GSDME: variants seen among roughly 807,000 people sequenced by gnomAD.
The protein encoded by GSDME is gasdermin-E.
Under a neutral mutation model 47.5 loss-of-function variants are expected in GSDME, and 44 were observed. That is an observed-to-expected ratio of 0.93 (90% CI 0.73 to 1.19). The LOEUF is 1.19. Among genes scored for constraint, GSDME ranks in the 50% most tolerant of loss-of-function variants. GSDME has a pLI of 0.00. For synonymous variants in GSDME, 258 were observed against 252.8 expected (o/e 1.02, Z -0.20); for missense variants, 663 against 604.2 (o/e 1.10, Z -1.02).
At chr7:24,772,175 G>C in the GSDME span, among the ~76,000 whole-genome samples, 1 of 152,136 alleles carries the variant, frequency 6.6e-6, no homozygotes, top group African/African-American at 2.4e-5. This position sits in a 1 kb window ranked among gnomAD's most constrained non-coding sequence, Gnocchi z 4.5. Flanking sequence ...GTGCCTTGCT[G>C]GCCCATCCTC....
At chr7:24,764,160 T>G in the GSDME span, among the ~76,000 whole-genome samples, 3 of 152,154 alleles carry the variant, frequency 2.0e-5, no homozygotes, top group African/African-American at 7.2e-5. This position sits in a 1 kb window ranked among gnomAD's most constrained non-coding sequence, Gnocchi z 4.4. Flanking sequence ...GTAAGGTCCT[T>G]AAAAAGACTA....
Position 24,724,585 on chromosome 7 carries a change from G to C in GSDME, c.405-5367C>G, listed in dbSNP as rs568079113. The C allele has an allele frequency of 6.6e-6, 1 of 152,526 alleles. No individual in the cohort carries two copies. Among genetic ancestry groups the C allele is most frequent in the African/African-American group, 2.4e-5 (1 of 41,564 alleles). The allele number at this position is 152,526 out of a possible 1,614,324, so 9.4% of individuals were successfully genotyped here. On this transcript the variant is annotated intron_variant, in intron 3 of 9. Transcript: ENST00000645220. This position sits in a 1 kb window ranked among gnomAD's most constrained non-coding sequence, Gnocchi z 4.8. ...GGAGCAAGTCTGGAGGCAGGGGAAG[G>C]GGGTGCATACTCAGTCGAGAAGAAC... is the stretch of plus-strand genomic sequence containing the variant.
At chr7:24,755,889 G>T (rs1791000592) in intron 1 of GSDME, among the ~76,000 whole-genome samples, 1 of 152,186 alleles carries the variant, frequency 6.6e-6, no homozygotes, top group Admixed American at 6.5e-5. Context: ...ACGAAACATG[G>T]CTGTACTTGT....
At position 24,744,461 on chromosome 7, in the gene GSDME, C is replaced by T. The variant is rs930806007; in HGVS notation, c.404+101G>A. The T allele has an allele frequency of 1.8e-5, 22 of 1,249,532 alleles. 1 individual carries two copies. Among genetic ancestry groups the T allele is most frequent in the Middle Eastern group, 1.9e-4 (1 of 5,194 alleles). The allele number at this position is 1,249,532 out of a possible 1,614,324, so 77.4% of individuals were successfully genotyped here. On this transcript the variant is annotated intron_variant, in intron 3 of 9. Coordinates refer to ENST00000645220, the MANE Select transcript of GSDME (RefSeq NM_001127453.2). This position sits in a 1 kb window ranked among gnomAD's most constrained non-coding sequence, Gnocchi z 4.5. ...GCGCATTCAATACATGTTTATTGATCGGCAGAGATCAAATCTGTCGCCCTT... is the reference window on the plus strand; with the variant it reads ...GCGCATTCAATACATGTTTATTGATTGGCAGAGATCAAATCTGTCGCCCTT...
rs1195196224 is a variant in GSDME at position 24,724,226 on chromosome 7, T to TTA, written c.405-5009_405-5008insTA. Among the ~76,000 whole-genome samples the TTA allele has an allele frequency of 2.0e-5, 3 of 151,316 alleles. No individual in the cohort carries two copies. Among genetic ancestry groups the TTA allele is most frequent in the African/African-American group, 7.3e-5 (3 of 41,164 alleles). ...AAGGCCTTCTGGACAGACTGTAAGC[T>TTA]CCTGGAGGACAAAGTACTTGCTCTT... On this transcript the variant is annotated intron_variant, in intron 3 of 9. Coordinates refer to ENST00000645220, the MANE Select transcript of GSDME (RefSeq NM_001127453.2). The surrounding 1 kb of genome is among the most constrained non-coding windows in gnomAD (Gnocchi z 4.8).
rs921232018 is a variant in GSDME, at chr7:24,714,924, G to A, written c.697+2330C>T. Among the ~76,000 whole-genome samples, 7 of 152,190 alleles carry A rather than the reference G, an allele frequency of 4.6e-5. No individual in the cohort carries two copies. The highest frequency in any genetic ancestry group is 3.8e-4 in the East Asian group (2 of 5,198). ...TTTCAGAAAGCGTTACAGAAGTGAC[G>A]CATCCTTCACTACAGCCAAGATACG... On this transcript the variant is annotated intron_variant, in intron 5 of 9. Transcript: ENST00000645220. The surrounding 1 kb of genome is among the most constrained non-coding windows in gnomAD (Gnocchi z 5.0).
chr7:24,765,122 A>G, the GSDME span, among the ~76,000 whole-genome samples: 13 of 152,274 alleles, frequency 8.5e-5, no homozygotes, highest in South Asian at 2.7e-3. Flanking sequence ...CTTGCTCACC[A>G]AAAAGCCTGG....
chr7:24,791,671 C>T, the GSDME span, among the ~76,000 whole-genome samples: 1 of 152,164 alleles, frequency 6.6e-6, no homozygotes, highest in Non-Finnish European at 1.5e-5. The surrounding 1 kb of genome is among the most constrained non-coding windows in gnomAD (Gnocchi z 4.8). Context: ...TGATGAAATG[C>T]CAGGGTGAAA....
chr7:24,759,112 A>G (rs1031404582), upstream of GSDME, among the ~76,000 whole-genome samples: 1 of 152,156 alleles, frequency 6.6e-6, no homozygotes, highest in Non-Finnish European at 1.5e-5. Flanking sequence ...ATGTGATGAG[A>G]TGTTGGACGA....
rs1789412878 is a variant in GSDME at position 24,712,978 on chromosome 7, A to G, written c.698-2590T>C. ...GGTTGTGGTGAGCCAAGATCGCACCATTGTACTCCAGCCTGGGCAACAAGA... is the reference window on the plus strand; with the variant it reads ...GGTTGTGGTGAGCCAAGATCGCACCGTTGTACTCCAGCCTGGGCAACAAGA... On this transcript the variant is annotated intron_variant, in intron 5 of 9. Coordinates refer to ENST00000645220, the MANE Select transcript of GSDME (RefSeq NM_001127453.2). This position sits in a 1 kb window ranked among gnomAD's most constrained non-coding sequence, Gnocchi z 4.4. Among the ~76,000 whole-genome samples the G allele has an allele frequency of 6.6e-6, 1 of 150,754 alleles. No individual in the cohort carries two copies. The highest frequency in any genetic ancestry group is 1.5e-5 in the Non-Finnish European group (1 of 67,850).
intron 3 of GSDME, among the ~76,000 whole-genome samples, chr7:24,727,365 G>C (rs1978123): frequency 1.3e-5 from 2 of 152,188 alleles, no homozygotes; most frequent in East Asian, 1.9e-4. Context: ...AAATGGTGCA[G>C]TACTGCCAGA....
the GSDME span, among the ~76,000 whole-genome samples, chr7:24,787,575 G>C: frequency 4.6e-5 from 7 of 152,086 alleles, no homozygotes; most frequent in Non-Finnish European, 8.8e-5. This position sits in a 1 kb window ranked among gnomAD's most constrained non-coding sequence, Gnocchi z 5.0. Context: ...ACCTTTTCTA[G>C]TCTAATATTT....
chr7:24,722,445 C>A (rs922832190), intron 3 of GSDME, among the ~76,000 whole-genome samples: 6 of 152,196 alleles, frequency 3.9e-5, no homozygotes, highest in African/African-American at 1.4e-4. Context: ...TTCAACTGTT[C>A]CCTTTCCAAT....
chr7:24,770,874 T>TG, the GSDME span, among the ~76,000 whole-genome samples: 3 of 132,092 alleles, frequency 2.3e-5, no homozygotes, highest in Non-Finnish European at 5.0e-5. The surrounding 1 kb of genome is among the most constrained non-coding windows in gnomAD (Gnocchi z 4.6). Context: ...GAAAAAAGGC[T>TG]GAAAAAAAAA....
At chr7:24,765,529 C>A in the GSDME span, among the ~76,000 whole-genome samples, 19,319 of 152,214 alleles carry the variant, frequency 0.13, 1,356 homozygotes, top group East Asian at 0.2. Flanking sequence ...AATAAGGCAG[C>A]TGTGCAGCTG....
chr7:24,751,519 G>C lies in GSDME; in HGVS notation c.-19-1726C>G, dbSNP rs150571340. Among the ~76,000 whole-genome samples, 282 of 152,262 alleles carry C rather than the reference G, an allele frequency of 1.9e-3. 2 individuals are homozygous for C. The highest frequency in any genetic ancestry group is 6.6e-3 in the African/African-American group (275 of 41,542). Reference sequence around the variant, plus strand: ...TGTCTTATCGATCACTGGTTCTTTTGTACAGTATCTTTTCTTAGATTATTA... The same window carrying C: ...TGTCTTATCGATCACTGGTTCTTTTCTACAGTATCTTTTCTTAGATTATTA... On this transcript the variant is annotated intron_variant, in intron 1 of 9. Coordinates refer to ENST00000645220, the MANE Select transcript of GSDME (RefSeq NM_001127453.2).
At chr7:24,707,638 C>A in intron 7 of GSDME, 1 of 351,658 alleles carries the variant, frequency 2.8e-6, no homozygotes, top group Non-Finnish European at 5.5e-6. Flanking sequence ...TGGGGTGGGC[C>A]CTAAATCCAA....
intron 3 of GSDME, among the ~76,000 whole-genome samples, chr7:24,731,372 G>C (rs1260418402): frequency 6.6e-6 from 1 of 152,258 alleles, no homozygotes; most frequent in African/African-American, 2.4e-5. Context: ...AAGAACCAGA[G>C]CCCCGCCGAC....
At chr7:24,722,672 T>C (rs902246918) in intron 3 of GSDME, among the ~76,000 whole-genome samples, 6 of 152,192 alleles carry the variant, frequency 3.9e-5, no homozygotes, top group South Asian at 2.1e-4. Flanking sequence ...CACTGAACAC[T>C]GGACACTGCT....
Sources: allele counts gnomAD v4.1 joint callset (sites outside exome capture counted in the v4.1 genomes callset), GRCh38; gene constraint gnomAD v4.1.1; non-coding constraint Gnocchi (gnomAD v3.1); transcripts MANE v1.5; gene names NCBI Gene and HGNC (gene_info 2026-07-23, HGNC 2026-07-21).